Variants in ARMC9 observed in about 807,000 individuals in gnomAD.
ARMC9 encodes the protein lisH domain-containing protein ARMC9.
In ARMC9, 94 loss-of-function variants were observed where a neutral mutation model predicts 107.0. That is an observed-to-expected ratio of 0.88 (90% confidence interval 0.74 to 1.04). ARMC9 has a LOEUF of 1.04. ARMC9 is among the 50% of genes least tolerant of loss of function. The probability of loss-of-function intolerance (pLI) is 0.00; values close to 1 mark genes in which losing one functional copy is unlikely to be tolerated. For synonymous variants in ARMC9, 380 were observed against 396.9 expected, an observed-to-expected ratio of 0.96 and a Z score of 0.51; for missense variants, 942 against 1,030.1, an observed-to-expected ratio of 0.91 and a Z score of 1.17.
chr2:231,272,053 A>G (rs1202855978), intron 13 of ARMC9, among the ~76,000 whole-genome samples: 1 of 152,234 alleles, frequency 6.6e-6, no homozygotes, highest in Non-Finnish European at 1.5e-5. Flanking sequence ...AATTATGTTT[A>G]GCTCACAAGA....
intron 23 of ARMC9, among the ~76,000 whole-genome samples, chr2:231,361,442 A>T (rs983028975): frequency 1.3e-5 from 2 of 151,334 alleles, no homozygotes; most frequent in Non-Finnish European, 1.5e-5. Flanking sequence ...CTCAAAAAAA[A>T]AAAAAAAATC....
At chr2:231,245,429 G>A (rs1387293590) in intron 9 of ARMC9, among the ~76,000 whole-genome samples, 1 of 152,238 alleles carries the variant, frequency 6.6e-6, no homozygotes, top group Non-Finnish European at 1.5e-5. Context: ...TGGCAGAGCA[G>A]CTCCCTGGCT....
intron 9 of ARMC9, among the ~76,000 whole-genome samples, chr2:231,244,922 G>A (rs1171280718): frequency 2.0e-5 from 3 of 152,232 alleles, no homozygotes; most frequent in African/African-American, 4.8e-5. Flanking sequence ...GTTAGTCACC[G>A]CCTCTCTGGA....
At chr2:231,309,770 T>G (rs1228521497) in intron 19 of ARMC9, among the ~76,000 whole-genome samples, 1 of 152,144 alleles carries the variant, frequency 6.6e-6, no homozygotes, top group East Asian at 1.9e-4. Context: ...AGTTAGAGTT[T>G]AAGTGATCAA....
chr2:231,331,665 T>C (rs1392669649), intron 19 of ARMC9, 128 bp from the exon 20 acceptor site: 3 of 756,098 alleles, frequency 4.0e-6, no homozygotes. Flanking sequence ...CCTTGGAATA[T>C]AAGCCTGCAA....
At chr2:231,346,404 C>A (rs2044816824) in intron 21 of ARMC9, among the ~76,000 whole-genome samples, 1 of 152,094 alleles carries the variant, frequency 6.6e-6, no homozygotes, top group Non-Finnish European at 1.5e-5. Flanking sequence ...ACCTGTAGTC[C>A]CAGCTACTCG....
At chr2:231,229,578 G>A (rs1199265172) in intron 7 of ARMC9, among the ~76,000 whole-genome samples, 2 of 152,236 alleles carry the variant, frequency 1.3e-5, no homozygotes, top group Non-Finnish European at 2.9e-5. Flanking sequence ...AGCATGAATT[G>A]ATTCAACCCT....
At chr2:231,202,089 TC>T (rs539912542) in intron 1 of ARMC9, among the ~76,000 whole-genome samples, 17 of 151,742 alleles carry the variant, frequency 1.1e-4, no homozygotes, top group Non-Finnish European at 2.4e-4. Context: ...AACCTCCACT[TC>T]CTGGGTTCAA....
rs568497687 is a variant in ARMC9 at position 231,288,583 on chromosome 2, T to G, written c.1627-2770T>G. Reference sequence around the variant, plus strand: ...AGTAAAAGTAGAAGTGAGTTCGAAGTTAGTTGTTCTGTGTAGTGTTCAGTG... The same window carrying G: ...AGTAAAAGTAGAAGTGAGTTCGAAGGTAGTTGTTCTGTGTAGTGTTCAGTG... On this transcript the variant is annotated intron_variant, in intron 17 of 24. Coordinates refer to ENST00000611582, the MANE Select transcript of ARMC9 (RefSeq NM_001352754.2). The G allele has an allele frequency of 2.3e-4, 107 of 469,682 alleles. 2 individuals carry two copies. Among genetic ancestry groups the G allele is most frequent in the South Asian group, 1.6e-3 (103 of 64,258 alleles). 29.1% of individuals were successfully genotyped at this position (469,682 alleles called of 1,614,324 possible).
intron 5 of ARMC9, among the ~76,000 whole-genome samples, chr2:231,220,069 A>G (rs1298420971): frequency 6.6e-6 from 1 of 151,948 alleles, no homozygotes; most frequent in Non-Finnish European, 1.5e-5. Context: ...TTAACATCTT[A>G]TGTTTCCTTC....
chr2:231,335,461 G>T (rs527300178), intron 20 of ARMC9, among the ~76,000 whole-genome samples: 1 of 152,186 alleles, frequency 6.6e-6, no homozygotes, highest in Non-Finnish European at 1.5e-5. Context: ...CCTGTTCCCT[G>T]CAGGGCCACA....
chr2:231,315,553 A>G (rs1346618341), intron 19 of ARMC9, among the ~76,000 whole-genome samples: 1 of 152,188 alleles, frequency 6.6e-6, no homozygotes, highest in African/African-American at 2.4e-5. Flanking sequence ...ATAAATAAAT[A>G]AATAAATTGA....
rs1156745884 is a variant in ARMC9, at chr2:231,282,132, T to C, written c.1625T>C (p.Met542Thr). Residue 542 changes from methionine (M) to threonine (T), a missense_variant and splice_region_variant, in exon 17 of 25, where the codon ATG becomes ACG. By Grantham distance (81) the Met-to-Thr change is moderately conservative. Transcript: ENST00000611582. Reference protein sequence around the residue: ...VPSIREEARAMGMEDILRCFI... With the variant: ...VPSIREEARATGMEDILRCFI... ...TCCATTCGTGAGGAAGCAAGAGCAA[T>C]GGTAAGAAAGCGTGCCTGAGAAACA... 2.5e-6 allele frequency: 4 copies of C among 1,613,886 alleles called. No individual in the cohort carries two copies. Among genetic ancestry groups the C allele is most frequent in the Non-Finnish European group, 3.4e-6 (4 of 1,179,928 alleles).
intron 17 of ARMC9, among the ~76,000 whole-genome samples, chr2:231,289,562 G>C (rs1312488618): frequency 6.6e-6 from 1 of 152,214 alleles, no homozygotes. Context: ...TTGAGTGGGG[G>C]ATGGAGAAGA....
intron 19 of ARMC9, among the ~76,000 whole-genome samples, chr2:231,300,015 G>T (rs1243843527): frequency 1.3e-5 from 2 of 152,140 alleles, no homozygotes; most frequent in African/African-American, 4.8e-5. Flanking sequence ...GTTACAAAAG[G>T]GCTGTTGGTA....
intron 5 of ARMC9, among the ~76,000 whole-genome samples, chr2:231,219,978 C>T (rs1055596920): frequency 1.2e-4 from 19 of 152,174 alleles, no homozygotes; most frequent in Middle Eastern, 3.4e-3. Context: ...TATAGGCGTG[C>T]GCCACCACCA....
chr2:231,276,573 T>G, intron 14 of ARMC9, 63 bp from the exon 15 acceptor site: 1 of 1,606,148 alleles, frequency 6.2e-7, no homozygotes, highest in Non-Finnish European at 8.5e-7. Flanking sequence ...TCCAGCCTAC[T>G]GTTTCCTCTT....
At chr2:231,327,009 G>C (rs2043367468) in intron 19 of ARMC9, among the ~76,000 whole-genome samples, 1 of 152,138 alleles carries the variant, frequency 6.6e-6, no homozygotes, top group South Asian at 2.1e-4. Context: ...TCCAGCACTT[G>C]GCTGCCACCT....
At chr2:231,355,577 A>T (rs929889994) in intron 21 of ARMC9, among the ~76,000 whole-genome samples, 3 of 152,218 alleles carry the variant, frequency 2.0e-5, no homozygotes, top group South Asian at 2.1e-4. Context: ...ATCACTGTGA[A>T]TACAGAAGGG....
Sources: gnomAD v4.1 joint callset for allele counts (sites outside exome capture counted in the v4.1 genomes callset) on GRCh38, gnomAD v4.1.1 for gene constraint, MANE v1.5 for transcripts, NCBI Gene and HGNC (gene_info 2026-07-23, HGNC 2026-07-21) for gene names.